The following SUMF1 variants were observed in gnomAD, a reference collection of about 807,000 sequenced individuals.
SUMF1 encodes formylglycine-generating enzyme.
Under a neutral mutation model 47.6 loss-of-function variants are expected in SUMF1, and 48 were observed. The ratio of observed to expected loss-of-function variants is 1.01; its 90% CI spans 0.80 to 1.28. The LOEUF (loss-of-function observed/expected upper bound fraction) is 1.28. Among genes scored for constraint, SUMF1 ranks in the 50% most tolerant of loss-of-function variants. The pLI is 0.00. For missense variants in SUMF1, 571 were observed against 485.4 expected (o/e 1.18, Z -1.66); for synonymous variants, 230 against 192.1 (o/e 1.20, Z -1.63).
intron 8 of SUMF1, among the ~76,000 whole-genome samples, chr3:4,172,115 G>C (rs767159293): frequency 6.6e-6 from 1 of 152,082 alleles, no homozygotes; most frequent in Non-Finnish European, 1.5e-5. Flanking sequence ...TGCAAGTAGG[G>C]GGATGGAACG....
At chr3:4,126,224 G>C (rs1482770503) in intron 8 of SUMF1, among the ~76,000 whole-genome samples, 1 of 150,234 alleles carries the variant, frequency 6.7e-6, no homozygotes, top group Non-Finnish European at 1.5e-5. Context: ...GTGCATCCTA[G>C]ATAATTTTTA....
At chr3:4,077,733 C>G (rs981516506) in intron 8 of SUMF1, among the ~76,000 whole-genome samples, 3 of 151,966 alleles carry the variant, frequency 2.0e-5, no homozygotes, top group African/African-American at 7.3e-5. Flanking sequence ...TGCCGCAAAC[C>G]AACATGGCAC....
chr3:4,098,725 T>G (rs1333946900), intron 8 of SUMF1, among the ~76,000 whole-genome samples: 2 of 152,186 alleles, frequency 1.3e-5, no homozygotes, highest in Non-Finnish European at 2.9e-5. Flanking sequence ...GGATGTTTCC[T>G]CCATCTGCCA....
chr3:4,293,684 G>C (rs1295500524), intron 8 of SUMF1, among the ~76,000 whole-genome samples: 1 of 152,146 alleles, frequency 6.6e-6, no homozygotes, highest in Non-Finnish European at 1.5e-5. Context: ...AAGTAGTCAG[G>C]CTGTAAGACT....
chr3:4,444,069 G>A (rs1016067932), intron 3 of SUMF1, among the ~76,000 whole-genome samples: 1 of 152,026 alleles, frequency 6.6e-6, no homozygotes, highest in Non-Finnish European at 1.5e-5. Context: ...AAATCGTTGG[G>A]TATTCAGGCA....
At chr3:4,262,454 A>G (rs1013768800) in intron 8 of SUMF1, among the ~76,000 whole-genome samples, 1 of 152,146 alleles carries the variant, frequency 6.6e-6, no homozygotes, top group Admixed American at 6.5e-5. Flanking sequence ...AAAGACAATT[A>G]TTGATAGACA....
chr3:4,169,461 C>T (rs1298684801), intron 8 of SUMF1, among the ~76,000 whole-genome samples: 1 of 152,062 alleles, frequency 6.6e-6, no homozygotes, highest in Non-Finnish European at 1.5e-5. Flanking sequence ...GAGGCATCTA[C>T]AAGACAAAGA....
At chr3:4,365,769 C>T (rs1699931439) in intron 8 of SUMF1, among the ~76,000 whole-genome samples, 2 of 149,606 alleles carry the variant, frequency 1.3e-5, no homozygotes, top group South Asian at 2.1e-4. Flanking sequence ...ATGATGTTAG[C>T]TGGTGATTTT....
chr3:4,051,960 T>C (rs1193283638), intron 9 of SUMF1, among the ~76,000 whole-genome samples: 1 of 152,174 alleles, frequency 6.6e-6, no homozygotes, highest in Non-Finnish European at 1.5e-5. Context: ...TAGGGCACTT[T>C]GATTCTCAAA....
chr3:4,348,107 G>A (rs890408334), intron 8 of SUMF1, among the ~76,000 whole-genome samples: 7 of 152,320 alleles, frequency 4.6e-5, no homozygotes, highest in African/African-American at 1.7e-4. Flanking sequence ...AGTGCCCAAA[G>A]TAATTTATAG....
chr3:4,442,305 G>T (rs1041453958), intron 3 of SUMF1, among the ~76,000 whole-genome samples: 2 of 151,056 alleles, frequency 1.3e-5, no homozygotes, highest in African/African-American at 4.9e-5. Context: ...GCCCAGGCTG[G>T]AGTGCGGTGG....
At chr3:4,276,651 G>C (rs948422951) in intron 8 of SUMF1, among the ~76,000 whole-genome samples, 1 of 152,118 alleles carries the variant, frequency 6.6e-6, no homozygotes, top group Non-Finnish European at 1.5e-5. Flanking sequence ...CCAGGAATCA[G>C]TCATATTGTG....
chr3:4,098,233 A>G (rs569147141), intron 8 of SUMF1, among the ~76,000 whole-genome samples: 50 of 152,276 alleles, frequency 3.3e-4, no homozygotes, highest in African/African-American at 1.2e-3. Flanking sequence ...GGGCATTCTC[A>G]GAGACATCTC....
intron 8 of SUMF1, among the ~76,000 whole-genome samples, chr3:4,309,098 T>C (rs982534605): frequency 2.0e-5 from 3 of 152,214 alleles, no homozygotes; most frequent in African/African-American, 7.2e-5. Context: ...GGAATTGTTA[T>C]TGTCTAAAAA....
intron 6 of SUMF1, among the ~76,000 whole-genome samples, chr3:4,411,729 A>G (rs1250490731): frequency 1.3e-5 from 2 of 151,318 alleles, no homozygotes; most frequent in African/African-American, 4.9e-5. Flanking sequence ...AAAAACTTTA[A>G]CTGAACAATA....
intron 8 of SUMF1, among the ~76,000 whole-genome samples, chr3:4,208,469 C>CAAA (rs775554036): frequency 0.011 from 1,409 of 132,610 alleles, 34 homozygotes; most frequent in Admixed American, 0.052. Context: ...TTCTAGAAGG[C>CAAA]AAAAAAAAAA....
In SUMF1 at chr3:4,097,695, C is replaced by G. The variant is rs138273392; in HGVS notation, c.1015-28950G>C. On this transcript the variant is annotated intron_variant and NMD_transcript_variant, in intron 8 of 12. Coordinates refer to the SUMF1 transcript ENST00000448413. ...TCACCCCCAAAATCTCTAGTAAAGACTCTCCAGGACAATGTGCCACATTTA... is the reference window on the plus strand; with the variant it reads ...TCACCCCCAAAATCTCTAGTAAAGAGTCTCCAGGACAATGTGCCACATTTA... Among the ~76,000 whole-genome samples the G allele has an allele frequency of 8.5e-5, 13 of 152,256 alleles. No homozygotes were observed. In the East Asian group the frequency reaches 2.5e-3, roughly 29 times the overall value.
At chr3:4,391,758 C>T (rs1323819367) in intron 7 of SUMF1, among the ~76,000 whole-genome samples, 1 of 152,126 alleles carries the variant, frequency 6.6e-6, no homozygotes, top group African/African-American at 2.4e-5. Context: ...ATTGGGATTA[C>T]AGGCATGGGC....
At chr3:4,159,369 A>G (rs1229842632) in intron 8 of SUMF1, among the ~76,000 whole-genome samples, 2 of 151,068 alleles carry the variant, frequency 1.3e-5, no homozygotes, top group Non-Finnish European at 2.9e-5. Context: ...ATTATTTTAA[A>G]CTGAGGACAA....
Sources: gnomAD v4.1 joint callset for allele counts (sites outside exome capture counted in the v4.1 genomes callset) on GRCh38, gnomAD v4.1.1 for gene constraint, MANE v1.5 for transcripts, NCBI Gene and HGNC (gene_info 2026-07-23, HGNC 2026-07-21) for gene names.